Variants in JAKMIP2 observed in about 807,000 individuals in gnomAD.
JAKMIP2 encodes janus kinase and microtubule interacting protein 2.
A neutral mutation model predicts 115.0 loss-of-function variants in JAKMIP2; 25 were observed. The observed-to-expected ratio is 0.22, with a 90% confidence interval of 0.16 to 0.30. The LOEUF (loss-of-function observed/expected upper bound fraction) is 0.30, where lower values mean the gene tolerates loss of function less well. Among genes scored for constraint, JAKMIP2 ranks in the 10% least tolerant of loss-of-function variants. The pLI, the probability that JAKMIP2 is intolerant of heterozygous loss-of-function variation, is 1.00. For missense variants in JAKMIP2, 642 were observed against 957.6 expected (o/e 0.67, Z 4.35); for synonymous variants, 334 against 343.6 (o/e 0.97, Z 0.31).
intron 16 of JAKMIP2, 46 bp downstream of exon 16, chr5:147,628,705 T>G (rs1479177646): frequency 6.8e-7 from 1 of 1,464,516 alleles, no homozygotes; most frequent in Admixed American, 1.7e-5. Flanking sequence ...CGTTCAGTAT[T>G]AAGCCAGACA....
Position 147,775,048 on chromosome 5 carries a change from A to G in JAKMIP2, c.-149+7408T>C, listed in dbSNP as rs189982197. Among the ~76,000 whole-genome samples the G allele has an allele frequency of 2.3e-3, 348 of 152,314 alleles. 1 individual carries two copies. Among genetic ancestry groups the G allele is most frequent in the Non-Finnish European group, 3.9e-3 (266 of 68,024 alleles). ...AAATTCAAGAATTGCAGTAAGTGCCATGATCTTGATTTAGGTGCCAAACAA... is the reference window on the plus strand; with the variant it reads ...AAATTCAAGAATTGCAGTAAGTGCCGTGATCTTGATTTAGGTGCCAAACAA... On this transcript the variant is annotated intron_variant, in intron 1 of 21. Transcript: ENST00000616793.
intron 1 of JAKMIP2, among the ~76,000 whole-genome samples, chr5:147,740,049 C>T (rs750046307): frequency 4.6e-5 from 7 of 152,200 alleles, no homozygotes; most frequent in Non-Finnish European, 1.0e-4. Context: ...ACAGCTCTTT[C>T]TCCTTTTTAA....
At chr5:147,611,953 G>A (rs1180881580) in intron 20 of JAKMIP2, among the ~76,000 whole-genome samples, 3 of 151,856 alleles carry the variant, frequency 2.0e-5, no homozygotes, top group Non-Finnish European at 4.4e-5. Flanking sequence ...TAATGGGAAA[G>A]GTAAAACAAA....
intron 1 of JAKMIP2, among the ~76,000 whole-genome samples, chr5:147,753,748 C>A (rs573365639): frequency 1.3e-5 from 2 of 152,242 alleles, no homozygotes; most frequent in South Asian, 4.1e-4. Flanking sequence ...GCTAATCTAC[C>A]CCTTAGTAAA....
intron 16 of JAKMIP2, 144 bp from the exon 17 acceptor site, chr5:147,623,833 C>CTTGT (rs368068989): frequency 9.4e-6 from 5 of 534,152 alleles, no homozygotes; most frequent in Admixed American, 3.6e-5. Context: ...CCTTTTTTTG[C>CTTGT]TTGTTTGTTT....
chr5:147,596,733 A>G (rs886423614), intron 21 of JAKMIP2, among the ~76,000 whole-genome samples: 5 of 152,230 alleles, frequency 3.3e-5, no homozygotes, highest in Non-Finnish European at 5.9e-5. Context: ...TGAGACAAAT[A>G]GGGAAACAAT....
intron 21 of JAKMIP2, among the ~76,000 whole-genome samples, chr5:147,601,400 G>A (rs1448276183): frequency 6.6e-6 from 1 of 151,992 alleles, no homozygotes; most frequent in African/African-American, 2.4e-5. Flanking sequence ...AGACTACCCT[G>A]GGCAACAAAG....
At position 147,615,649 on chromosome 5, in the gene JAKMIP2, C is replaced by T. The variant is rs75025499; in HGVS notation, c.2346+2262G>A. On this transcript the variant is annotated intron_variant, in intron 19 of 21. Coordinates refer to ENST00000616793, the MANE Select transcript of JAKMIP2 (RefSeq NM_001270941.2). ...AAAAGGGGAGAGCTAGAACTAGGTC[C>T]TCATGGCACCTGCATGTACTTTTAA... is the stretch of plus-strand genomic sequence containing the variant. Among the ~76,000 whole-genome samples the T allele has an allele frequency of 5.6e-3, 855 of 152,160 alleles. 9 individuals carry two copies. The highest frequency in any genetic ancestry group is 0.02 in the African/African-American group (821 of 41,508).
At chr5:147,724,161 G>A (rs977993998) in intron 1 of JAKMIP2, among the ~76,000 whole-genome samples, 6 of 152,114 alleles carry the variant, frequency 3.9e-5, no homozygotes, top group Non-Finnish European at 7.4e-5. Flanking sequence ...TATTTGTCAA[G>A]CACTGAGTTA....
chr5:147,691,111 C>G (rs1751824042), intron 1 of JAKMIP2, among the ~76,000 whole-genome samples: 1 of 152,108 alleles, frequency 6.6e-6, no homozygotes, highest in Non-Finnish European at 1.5e-5. Flanking sequence ...ACTCTCTCAT[C>G]CCCCAGATAC....
intron 5 of JAKMIP2, among the ~76,000 whole-genome samples, chr5:147,646,673 A>G (rs1758145874): frequency 6.6e-6 from 1 of 151,678 alleles, no homozygotes; most frequent in Non-Finnish European, 1.5e-5. Context: ...AGTTATAAAT[A>G]CATATATATA....
intron 1 of JAKMIP2, among the ~76,000 whole-genome samples, chr5:147,734,498 T>C (rs922168525): frequency 1.0e-4 from 3 of 28,698 alleles, no homozygotes; most frequent in African/African-American, 1.5e-4. Flanking sequence ...CGGGGCCTGT[T>C]GGAGGGTGGG....
intron 3 of JAKMIP2, among the ~76,000 whole-genome samples, chr5:147,660,183 T>C (rs1364009559): frequency 2.0e-5 from 3 of 152,210 alleles, no homozygotes; most frequent in Admixed American, 2.0e-4. Context: ...CCTAGGACAT[T>C]CTAATTTTCA....
chr5:147,699,244 C>T (rs1013294043), intron 1 of JAKMIP2, among the ~76,000 whole-genome samples: 1 of 152,094 alleles, frequency 6.6e-6, no homozygotes, highest in Non-Finnish European at 1.5e-5. Flanking sequence ...TTGCTGCTGG[C>T]TTGAGTATGT....
chr5:147,662,183 C>CACACAA (rs71274367), intron 2 of JAKMIP2, among the ~76,000 whole-genome samples: 4 of 151,444 alleles, frequency 2.6e-5, no homozygotes, highest in Non-Finnish European at 4.4e-5. Flanking sequence ...CACACACACA[C>CACACAA]ACAAACAAAA....
chr5:147,781,510 CCATCATTGTAAATT>C (rs1755756181), intron 1 of JAKMIP2, among the ~76,000 whole-genome samples: 1 of 132,388 alleles, frequency 7.6e-6, no homozygotes, highest in South Asian at 2.4e-4. Context: ...CCTCCCATTC[CCATCATTGTAAATT>C]CAGAGTCCTC....
intron 1 of JAKMIP2, among the ~76,000 whole-genome samples, chr5:147,685,027 C>A (rs2126843598): frequency 6.6e-6 from 1 of 152,268 alleles, no homozygotes; most frequent in South Asian, 2.1e-4. Context: ...TTTGTGCATC[C>A]TTCCATTTCA....
At chr5:147,708,102 A>T (rs915130192) in intron 1 of JAKMIP2, among the ~76,000 whole-genome samples, 5 of 152,258 alleles carry the variant, frequency 3.3e-5, no homozygotes, top group African/African-American at 1.2e-4. Flanking sequence ...GTCAAAGATT[A>T]TGAAATTATT....
Position 147,591,647 on chromosome 5 carries a change from C to T in JAKMIP2, c.*60G>A. 1 of 1,592,868 alleles carries T rather than the reference C, an allele frequency of 6.3e-7. No homozygotes were observed. The highest frequency in any genetic ancestry group is 8.6e-7 in the Non-Finnish European group (1 of 1,164,972). ...TTTGCCATCTTTGAAGGTTTAGAAG[C>T]ACTTGTCTTCCTGGGATCTTATCCA... On this transcript the variant is annotated 3_prime_UTR_variant, in exon 22 of 22. Coordinates refer to ENST00000616793, the MANE Select transcript of JAKMIP2 (RefSeq NM_001270941.2).
Sources: gnomAD v4.1 joint callset for allele counts (sites outside exome capture counted in the v4.1 genomes callset) on GRCh38, gnomAD v4.1.1 for gene constraint, MANE v1.5 for transcripts, NCBI Gene and HGNC (gene_info 2026-07-23, HGNC 2026-07-21) for gene names.